Variants in PKP4 observed in about 807,000 individuals in gnomAD.
PKP4 encodes the protein plakophilin 4, also known as plakophilin-4.
In PKP4, 90 loss-of-function variants were observed where a neutral mutation model predicts 145.1. That is an observed-to-expected ratio of 0.62 (90% CI 0.52 to 0.74). The LOEUF (loss-of-function observed/expected upper bound fraction) is 0.74. Ranked by LOEUF, PKP4 falls within the 30% of genes least tolerant of loss-of-function variation. The probability of loss-of-function intolerance (pLI) is 0.00; values close to 1 mark genes in which losing one functional copy is unlikely to be tolerated. For synonymous variants in PKP4, 563 were observed against 577.2 expected (o/e 0.98, Z 0.35); for missense variants, 1,340 against 1,482.7 (o/e 0.90, Z 1.58).
chr2:158,496,759 CGTGTGTGTGTGT>C (rs58108158), intron 1 of PKP4, among the ~76,000 whole-genome samples: 2 of 144,854 alleles, frequency 1.4e-5, no homozygotes, highest in African/African-American at 2.5e-5. Context: ...CTTCTCTCTC[CGTGTGTGTGTGT>C]GTGTGTGTGT....
intron 11 of PKP4, among the ~76,000 whole-genome samples, chr2:158,657,082 T>G (rs1002670613): frequency 6.6e-6 from 1 of 152,178 alleles, no homozygotes; most frequent in South Asian, 2.1e-4. Flanking sequence ...GTGAAAGCAC[T>G]GTACAGACTC....
intron 2 of PKP4, among the ~76,000 whole-genome samples, chr2:158,546,935 CA>C (rs2045109969): frequency 6.6e-6 from 1 of 152,012 alleles, no homozygotes; most frequent in Non-Finnish European, 1.5e-5. Flanking sequence ...CTGTTTTTCA[CA>C]AAGGATATTA....
intron 13 of PKP4, 26 bp downstream of exon 13, chr2:158,661,476 G>T: frequency 6.9e-7 from 1 of 1,458,914 alleles, no homozygotes; most frequent in Non-Finnish European, 9.6e-7. Flanking sequence ...GTTGCAGGAG[G>T]GCGTGGTGGC....
At chr2:158,672,028 G>A (rs1399129508) in intron 17 of PKP4, among the ~76,000 whole-genome samples, 1 of 152,176 alleles carries the variant, frequency 6.6e-6, no homozygotes, top group Non-Finnish European at 1.5e-5. Context: ...GAAGCCGGTG[G>A]GGCTGGAGCA....
At chr2:158,674,583 G>T (rs567291115) in intron 19 of PKP4, among the ~76,000 whole-genome samples, 19 of 152,256 alleles carry the variant, frequency 1.2e-4, no homozygotes, top group African/African-American at 4.6e-4. Flanking sequence ...TGGGTCTGTA[G>T]GAATTCCTTT....
chr2:158,567,404 A>C (rs370969507), intron 2 of PKP4, among the ~76,000 whole-genome samples: 75 of 152,352 alleles, frequency 4.9e-4, no homozygotes, highest in African/African-American at 1.7e-3. Flanking sequence ...GGGCCAGACT[A>C]TACAGAAGGT....
intron 17 of PKP4, among the ~76,000 whole-genome samples, chr2:158,673,429 C>T (rs998549433): frequency 1.3e-5 from 2 of 152,192 alleles, no homozygotes; most frequent in African/African-American, 4.8e-5. Flanking sequence ...AGGTTCGTCC[C>T]GGCCACAGCT....
intron 10 of PKP4, 23 bp from the exon 11 acceptor site, chr2:158,642,463 G>T (rs1375075573): frequency 6.5e-7 from 1 of 1,535,140 alleles, no homozygotes; most frequent in Non-Finnish European, 8.9e-7. Context: ...CTTAGGCCTG[G>T]TACCTAATAT....
chr2:158,504,958 T>C (rs1384497166), intron 1 of PKP4, among the ~76,000 whole-genome samples: 1 of 152,218 alleles, frequency 6.6e-6, no homozygotes, highest in Non-Finnish European at 1.5e-5. Context: ...TGCCAAGCCA[T>C]CTGTTTGTAT....
At chr2:158,546,804 G>C (rs556593901) in intron 2 of PKP4, among the ~76,000 whole-genome samples, 1 of 152,140 alleles carries the variant, frequency 6.6e-6, no homozygotes, top group Admixed American at 6.6e-5. Flanking sequence ...TCTCAAAGTT[G>C]AGAGAAGAAA....
At chr2:158,510,864 C>T (rs2041444542) in intron 1 of PKP4, among the ~76,000 whole-genome samples, 1 of 152,194 alleles carries the variant, frequency 6.6e-6, no homozygotes, top group South Asian at 2.1e-4. Context: ...GCAGAGGGAC[C>T]CCTTCCAAAT....
At chr2:158,678,941 A>G (rs2058247687) in intron 21 of PKP4, 2 of 427,618 alleles carry the variant, frequency 4.7e-6, no homozygotes, top group Admixed American at 3.5e-5. Flanking sequence ...TCCTCTTCCC[A>G]CTCTTTTTCT....
intron 15 of PKP4, among the ~76,000 whole-genome samples, chr2:158,665,603 G>GA (rs1028970569): frequency 2.6e-5 from 4 of 152,150 alleles, no homozygotes; most frequent in African/African-American, 7.2e-5. Flanking sequence ...TGCATTGGTT[G>GA]AAAAAGTCAA....
chr2:158,458,682 G>A (rs1189003514), intron 1 of PKP4, among the ~76,000 whole-genome samples: 1 of 152,136 alleles, frequency 6.6e-6, no homozygotes. Context: ...CATCACTTTG[G>A]TATCCTAAGA....
At chr2:158,564,382 G>A (rs1368075279) in intron 2 of PKP4, among the ~76,000 whole-genome samples, 1 of 152,166 alleles carries the variant, frequency 6.6e-6, no homozygotes, top group Non-Finnish European at 1.5e-5. Flanking sequence ...ATAGTATGCT[G>A]TAGAATGGAG....
intron 1 of PKP4, among the ~76,000 whole-genome samples, chr2:158,529,067 C>T (rs1030143601): frequency 1.3e-5 from 2 of 152,168 alleles, no homozygotes; most frequent in East Asian, 1.9e-4. Context: ...CAATCATCAT[C>T]GAGACTCTGA....
intron 4 of PKP4, among the ~76,000 whole-genome samples, chr2:158,611,713 A>G (rs2051165767): frequency 6.6e-6 from 1 of 152,218 alleles, no homozygotes; most frequent in Non-Finnish European, 1.5e-5. Flanking sequence ...TAGATCAGCA[A>G]TCATGTATAA....
At chr2:158,509,617 C>T (rs1259066284) in intron 1 of PKP4, among the ~76,000 whole-genome samples, 3 of 152,172 alleles carry the variant, frequency 2.0e-5, no homozygotes, top group Non-Finnish European at 4.4e-5. Flanking sequence ...TAAAAGTACT[C>T]CTTTGTGTAC....
chr2:158,479,444 G>C (rs1482879758), intron 1 of PKP4, among the ~76,000 whole-genome samples: 1 of 152,116 alleles, frequency 6.6e-6, no homozygotes, highest in Non-Finnish European at 1.5e-5. Flanking sequence ...GGCTGGTCTT[G>C]AAATCCTGGA....
Sources: gnomAD v4.1 joint callset for allele counts (sites outside exome capture counted in the v4.1 genomes callset) on GRCh38, gnomAD v4.1.1 for gene constraint, MANE v1.5 for transcripts, NCBI Gene and HGNC (gene_info 2026-07-23, HGNC 2026-07-21) for gene names.